The following SMAD5 variants were observed in gnomAD, a reference collection of about 807,000 sequenced individuals.
SMAD5 encodes MAD, mothers against decapentaplegic homolog 5.
A neutral mutation model predicts 43.1 loss-of-function variants in SMAD5; 9 were observed. The observed-to-expected ratio is 0.21, with a 90% CI of 0.13 to 0.36. The LOEUF (loss-of-function observed/expected upper bound fraction) is 0.36, where lower values mean the gene tolerates loss of function less well. SMAD5 is among the 10% of genes least tolerant of loss of function. The pLI is 1.00. For synonymous variants in SMAD5, 190 were observed against 192.4 expected (o/e 0.99, Z 0.10); for missense variants, 348 against 574.0 (o/e 0.61, Z 4.02).
At chr5:136,160,358 A>C (rs2149772768) in intron 3 of SMAD5, among the ~76,000 whole-genome samples, 1 of 152,250 alleles carries the variant, frequency 6.6e-6, no homozygotes, top group Admixed American at 6.5e-5. Context: ...CTGTAGTCTT[A>C]ACTCCTTGTT....
intron 5 of SMAD5, among the ~76,000 whole-genome samples, chr5:136,165,662 A>ATTTTTTTTTTTTTTTTTTTTTTTTTTT (rs58156387): frequency 1.5e-5 from 1 of 65,456 alleles, no homozygotes; most frequent in Non-Finnish European, 3.0e-5. Flanking sequence ...GAATCATACA[A>ATTTTTTTTTTTTTTTTTTTTTTTTTTT]TTTTTTTTTT....
At chr5:136,174,849 T>G (rs904420216) in intron 7 of SMAD5, among the ~76,000 whole-genome samples, 1 of 152,212 alleles carries the variant, frequency 6.6e-6, no homozygotes. Context: ...ATGATTGATA[T>G]TGATTTTGAT....
intron 2 of SMAD5, among the ~76,000 whole-genome samples, chr5:136,149,800 G>C (rs1194808037): frequency 2.0e-5 from 3 of 151,856 alleles, no homozygotes; most frequent in African/African-American, 7.2e-5. Context: ...CATCAAAAGT[G>C]CTAAGTTTTT....
intron 1 of SMAD5, among the ~76,000 whole-genome samples, chr5:136,139,841 A>G (rs748909580): frequency 1.3e-5 from 2 of 152,038 alleles, no homozygotes; most frequent in African/African-American, 2.4e-5. Flanking sequence ...GATCACAGGC[A>G]TGTGCCACTG....
In SMAD5 at chr5:136,172,269, T is replaced by C. The variant is rs191153921; in HGVS notation, c.776-165T>C. On this transcript the variant is annotated intron_variant, in intron 5 of 7. Transcript: ENST00000545279. The stretch of plus-strand genomic sequence containing the variant: ...TCATATTCAAGCTGATTTCTAGTGC[T>C]TGTTTTCGGATATAGATTCACAGCT... Among the ~76,000 whole-genome samples, 37 of 152,326 alleles carry C rather than the reference T, an allele frequency of 2.4e-4. 1 individual carries two copies. The Middle Eastern group carries it at 0.017, about 70-fold the overall frequency.
chr5:136,149,232 C>G (rs963939659), intron 2 of SMAD5, among the ~76,000 whole-genome samples: 8 of 151,792 alleles, frequency 5.3e-5, no homozygotes, highest in African/African-American at 1.9e-4. Flanking sequence ...CACTCTACTG[C>G]TGATGAATAT....
intron 1 of SMAD5, among the ~76,000 whole-genome samples, chr5:136,147,222 T>C (rs1753289340): frequency 6.6e-6 from 1 of 151,794 alleles, no homozygotes; most frequent in Admixed American, 6.6e-5. Flanking sequence ...AATATATTTT[T>C]ATGCAGTGGT....
chr5:136,148,701 T>G (rs1271862814), intron 2 of SMAD5, among the ~76,000 whole-genome samples: 1 of 151,680 alleles, frequency 6.6e-6, no homozygotes, highest in African/African-American at 2.4e-5. Context: ...GACTAACTTG[T>G]AAGTGGGGTA....
At chr5:136,174,141 A>G (rs1292788316) in intron 6 of SMAD5, among the ~76,000 whole-genome samples, 2 of 152,124 alleles carry the variant, frequency 1.3e-5, no homozygotes, top group Admixed American at 6.5e-5. Flanking sequence ...AAAGAGAACA[A>G]CCTAAAAATG....
At chr5:136,177,025 T>G (rs111349182) in intron 7 of SMAD5, among the ~76,000 whole-genome samples, 1 of 152,194 alleles carries the variant, frequency 6.6e-6, no homozygotes, top group Non-Finnish European at 1.5e-5. Flanking sequence ...TCAGAAATAT[T>G]TGTTTTAATT....
intron 4 of SMAD5, among the ~76,000 whole-genome samples, chr5:136,162,599 G>A (rs182780878): frequency 6.6e-6 from 1 of 152,302 alleles, no homozygotes; most frequent in East Asian, 1.9e-4. Flanking sequence ...ACATTGGGAT[G>A]AAAGACAAAT....
At chr5:136,156,249 A>T (rs1023481401) in intron 3 of SMAD5, among the ~76,000 whole-genome samples, 1 of 152,172 alleles carries the variant, frequency 6.6e-6, no homozygotes, top group Non-Finnish European at 1.5e-5. Flanking sequence ...AGGACATTAT[A>T]TTCTTGTGGA....
intron 5 of SMAD5, among the ~76,000 whole-genome samples, chr5:136,167,457 G>C (rs1754060785): frequency 6.6e-6 from 1 of 151,826 alleles, no homozygotes; most frequent in Non-Finnish European, 1.5e-5. Context: ...ACTCAGAATT[G>C]AGTTTTAAAA....
rs1754573043 is a variant in SMAD5 at position 136,180,091 on chromosome 5, A to G, written c.*2611A>G. 1 of 152,136 alleles carries G rather than the reference A, an allele frequency of 6.6e-6. No individual in the cohort carries two copies. The highest frequency in any genetic ancestry group is 1.5e-5 in the Non-Finnish European group (1 of 68,016). 9.4% of individuals were successfully genotyped at this position (152,136 alleles called of 1,614,324 possible). A position where few individuals can be genotyped will look rare whatever the true frequency, so the allele number is the denominator to read the frequency against. On this transcript the variant is annotated 3_prime_UTR_variant, in exon 8 of 8. Coordinates refer to ENST00000545279, the MANE Select transcript of SMAD5 (RefSeq NM_005903.7). ...AACTATAAGCCTGTTGTATCTCCTA[A>G]AAGTTGTCAACTCCCCACCCTTGGA...
intron 6 of SMAD5, 25 bp from the exon 7 acceptor site, chr5:136,174,351 C>T (rs1211233349): frequency 6.2e-7 from 1 of 1,605,220 alleles, no homozygotes; most frequent in East Asian, 2.2e-5. Context: ...TTTTAGCTGA[C>T]TCTTGTGATG....
At chr5:136,162,327 A>AT (rs1753850825) in intron 4 of SMAD5, among the ~76,000 whole-genome samples, 1 of 152,184 alleles carries the variant, frequency 6.6e-6, no homozygotes, top group African/African-American at 2.4e-5. Context: ...CTGGGAATGG[A>AT]TTTTTTTTCT....
chr5:136,141,051 G>A (rs1753063110), intron 1 of SMAD5, among the ~76,000 whole-genome samples: 1 of 151,998 alleles, frequency 6.6e-6, no homozygotes, highest in African/African-American at 2.4e-5. Flanking sequence ...AGAGATTAGG[G>A]AAACTCTATA....
chr5:136,168,649 T>G (rs562885485), intron 5 of SMAD5, among the ~76,000 whole-genome samples: 1 of 152,240 alleles, frequency 6.6e-6, no homozygotes, highest in Non-Finnish European at 1.5e-5. Context: ...TTTTAACACA[T>G]GTATCCACCC....
chr5:136,162,767 A>T (rs1023538912), intron 4 of SMAD5, among the ~76,000 whole-genome samples: 2 of 152,228 alleles, frequency 1.3e-5, no homozygotes, highest in Non-Finnish European at 2.9e-5. Flanking sequence ...CCATATTTGG[A>T]TGTTGCACAA....
Sources: allele counts gnomAD v4.1 joint callset (sites outside exome capture counted in the v4.1 genomes callset), GRCh38; gene constraint gnomAD v4.1.1; transcripts MANE v1.5; gene names NCBI Gene and HGNC (gene_info 2026-07-23, HGNC 2026-07-21).